The following AZIN1 variants were observed in gnomAD, a reference collection of about 807,000 sequenced individuals.
AZIN1 encodes ornithine decarboxylase antizyme inhibitor.
A neutral mutation model predicts 47.4 loss-of-function variants in AZIN1; 12 were observed. That is an observed-to-expected ratio of 0.25 (90% CI 0.16 to 0.41). The LOEUF (loss-of-function observed/expected upper bound fraction) is 0.41. Among genes scored for constraint, AZIN1 ranks in the 10% least tolerant of loss-of-function variants. AZIN1 has a pLI of 1.00. For missense variants in AZIN1, 410 were observed against 532.4 expected (o/e 0.77, Z 2.26); for synonymous variants, 155 against 176.3 (o/e 0.88, Z 0.96).
At chr8:102,836,796 T>C (rs1811850762) in intron 5 of AZIN1, among the ~76,000 whole-genome samples, 1 of 152,264 alleles carries the variant, frequency 6.6e-6, no homozygotes, top group Non-Finnish European at 1.5e-5. Flanking sequence ...TTTCTTTGAT[T>C]GTGCTAACTA....
chr8:102,831,641 CAAAA>C lies in AZIN1; in HGVS notation c.904+1411_904+1414del, dbSNP rs35860063. 1.2e-4 allele frequency among the ~76,000 whole-genome samples: 10 copies of C among 83,826 alleles called. No individual in the cohort carries two copies. In the East Asian group the frequency reaches 3.2e-3, roughly 27 times the overall value. 55.0% of individuals were successfully genotyped at this position (83,826 alleles called of 152,430 possible). A position where few individuals can be genotyped will look rare whatever the true frequency, so the allele number is the denominator to read the frequency against. On this transcript the variant is annotated intron_variant, in intron 9 of 11. Coordinates refer to ENST00000337198, the MANE Select transcript of AZIN1 (RefSeq NM_148174.4). ...TTGGGCAACAAGAGCAAAACAGTCT[CAAAA>C]AAAAAAAAAAAAAAAAAATCATAAG...
intron 2 of AZIN1, chr8:102,854,396 T>C (rs2131272606): frequency 6.6e-6 from 1 of 151,224 alleles, no homozygotes; most frequent in African/African-American, 2.4e-5. Flanking sequence ...GGTCTGGAGT[T>C]CAAGACCAGC....
chr8:102,849,180 G>A (rs1586190812), intron 2 of AZIN1, among the ~76,000 whole-genome samples: 1 of 151,934 alleles, frequency 6.6e-6, no homozygotes, highest in Non-Finnish European at 1.5e-5. Context: ...GTAGTCCCAG[G>A]TACTCAGGAG....
chr8:102,842,117 G>GAA (rs199990476), intron 3 of AZIN1, among the ~76,000 whole-genome samples: 7 of 139,332 alleles, frequency 5.0e-5, no homozygotes, highest in South Asian at 2.2e-4. Context: ...GTCTCAAAGA[G>GAA]AAAAAAAAAA....
At chr8:102,857,155 T>C (rs1398834199) in intron 2 of AZIN1, among the ~76,000 whole-genome samples, 1 of 152,208 alleles carries the variant, frequency 6.6e-6, no homozygotes, top group South Asian at 2.1e-4. Flanking sequence ...TTTCCTTCTC[T>C]TTAGCCTTAA....
rs1811715732 is a variant in AZIN1 at position 102,834,841 on chromosome 8, AT to A, written c.585-95del. The stretch of plus-strand genomic sequence containing the variant: ...AACTGTCACTCATCATATTCATACC[AT>A]TAAGTATCCCCATTAACTTTACCAA... On this transcript the variant is annotated intron_variant, in intron 6 of 11. Transcript: ENST00000337198. The A allele has an allele frequency of 3.8e-6, 3 of 785,852 alleles. No homozygotes were observed. In the East Asian group the frequency reaches 7.7e-5, roughly 20 times the overall value. 48.7% of individuals were successfully genotyped at this position (785,852 alleles called of 1,614,324 possible).
At chr8:102,839,616 GT>G (rs1812048247) in intron 4 of AZIN1, 33 bp downstream of exon 4, 1 of 1,436,518 alleles carries the variant, frequency 7.0e-7, no homozygotes, top group East Asian at 2.4e-5. Context: ...ATTATTCAAT[GT>G]TTCAGTTTAG....
At chr8:102,843,797 ATG>A in intron 2 of AZIN1, 50 bp from the exon 3 acceptor site, 1 of 1,286,916 alleles carries the variant, frequency 7.8e-7, no homozygotes, top group Non-Finnish European at 1.0e-6. Flanking sequence ...AATAGACATA[ATG>A]TACGAGTCAA....
chr8:102,841,801 T>TAAAAAAAAAAAA, intron 3 of AZIN1, among the ~76,000 whole-genome samples: 1 of 115,060 alleles, frequency 8.7e-6, no homozygotes, highest in Non-Finnish European at 1.7e-5. Context: ...AATATATATA[T>TAAAAAAAAAAAA]ATATAAAAAA....
chr8:102,838,714 A>C, intron 5 of AZIN1, 30 bp downstream of exon 5: 1 of 1,580,292 alleles, frequency 6.3e-7, no homozygotes, highest in Non-Finnish European at 8.6e-7. Context: ...GTGCTAAATA[A>C]TATTTTCAAG....
rs1302720141 is a variant in AZIN1 at position 102,826,539 on chromosome 8, A to G, written c.*2028T>C. On this transcript the variant is annotated 3_prime_UTR_variant, in exon 12 of 12. Transcript: ENST00000337198. The stretch of plus-strand genomic sequence containing the variant: ...TTTTTAGCATACCAAATTGAAATAC[A>G]TAGGTTCAAATTTCAGATTTATGGC... The G allele has an allele frequency of 2.6e-5, 4 of 152,704 alleles. No homozygotes were observed. Among genetic ancestry groups the G allele is most frequent in the African/African-American group, 9.6e-5 (4 of 41,486 alleles). The allele number at this position is 152,704 out of a possible 1,614,324, so 9.5% of individuals were successfully genotyped here.
chr8:102,863,138 T>C (rs759577383), intron 1 of AZIN1, among the ~76,000 whole-genome samples: 2 of 152,206 alleles, frequency 1.3e-5, no homozygotes, highest in Non-Finnish European at 2.9e-5. Flanking sequence ...CAAAAGCCTC[T>C]CGCTGGCTAC....
intron 1 of AZIN1, among the ~76,000 whole-genome samples, chr8:102,861,344 C>G (rs1351767284): frequency 1.3e-5 from 2 of 151,922 alleles, no homozygotes; most frequent in Admixed American, 6.6e-5. Context: ...TCTCCTGACT[C>G]AGCCTCCCGA....
chr8:102,826,584 TAC>T lies in AZIN1; in HGVS notation c.*1981_*1982del, dbSNP rs745339690. 1.3e-5 allele frequency: 2 copies of T among 152,642 alleles called. No homozygotes were observed. Among genetic ancestry groups the T allele is most frequent in the African/African-American group, 2.4e-5 (1 of 41,460 alleles). 9.5% of individuals were successfully genotyped at this position (152,642 alleles called of 1,614,324 possible). On this transcript the variant is annotated 3_prime_UTR_variant, in exon 12 of 12. Coordinates refer to ENST00000337198, the MANE Select transcript of AZIN1 (RefSeq NM_148174.4). Reference sequence around the variant, plus strand: ...TATGGCAAACAGTCTTCAAATACAATACAGACATTTCTTAAAAGTTACCGTAT... The same window carrying T: ...TATGGCAAACAGTCTTCAAATACAATAGACATTTCTTAAAAGTTACCGTAT...
At chr8:102,830,663 G>GA (rs1554579042) in intron 9 of AZIN1, among the ~76,000 whole-genome samples, 4,805 of 147,010 alleles carry the variant, frequency 0.033, 105 homozygotes, top group Non-Finnish European at 0.045. Context: ...AAAAAAAAAA[G>GA]AAAAGAAAAA....
intron 3 of AZIN1, among the ~76,000 whole-genome samples, chr8:102,842,371 T>C (rs925789631): frequency 6.6e-6 from 1 of 150,414 alleles, no homozygotes; most frequent in African/African-American, 2.5e-5. Context: ...AGGCGTTCAA[T>C]ACCAGCCTGG....
intron 2 of AZIN1, among the ~76,000 whole-genome samples, chr8:102,856,245 T>G (rs565601168): frequency 2.5e-4 from 38 of 152,174 alleles, no homozygotes; most frequent in Admixed American, 2.2e-3. Flanking sequence ...ACATGCAAAA[T>G]GAGAAGATTA....
At chr8:102,829,567 G>A (rs945499976) in intron 10 of AZIN1, 81 bp from the exon 11 acceptor site, 2 of 1,295,392 alleles carry the variant, frequency 1.5e-6, no homozygotes. Flanking sequence ...TATTTTCACT[G>A]TCTCAGATCC....
At chr8:102,850,253 T>G (rs1007021654) in intron 2 of AZIN1, 1 of 152,212 alleles carries the variant, frequency 6.6e-6, no homozygotes, top group African/African-American at 2.4e-5. Context: ...GGATTTTTAC[T>G]CATTAAAAAT....
Sources: gnomAD v4.1 joint callset for allele counts (sites outside exome capture counted in the v4.1 genomes callset) on GRCh38, gnomAD v4.1.1 for gene constraint, MANE v1.5 for transcripts, NCBI Gene and HGNC (gene_info 2026-07-23, HGNC 2026-07-21) for gene names.